NCOA1: variants seen among roughly 807,000 people sequenced by gnomAD.
NCOA1 encodes nuclear receptor coactivator 1.
In NCOA1, 35 loss-of-function variants were observed where a neutral mutation model predicts 150.9. That is an observed-to-expected ratio of 0.23 (90% CI 0.18 to 0.31). NCOA1 has a LOEUF of 0.31. Among genes scored for constraint, NCOA1 ranks in the 10% least tolerant of loss-of-function variants. The probability of loss-of-function intolerance (pLI) is 1.00; values close to 1 mark genes in which losing one functional copy is unlikely to be tolerated. For synonymous variants in NCOA1, 590 were observed against 630.0 expected (o/e 0.94, Z 0.95); for missense variants, 1,491 against 1,749.3 (o/e 0.85, Z 2.63).
chr2:24,595,781 G>A (rs1006366549), intron 3 of NCOA1, among the ~76,000 whole-genome samples: 1 of 152,046 alleles, frequency 6.6e-6, no homozygotes, highest in African/African-American at 2.4e-5. Context: ...CTCTCAACTA[G>A]GCAAGCAGGT....
intron 1 of NCOA1, among the ~76,000 whole-genome samples, chr2:24,512,326 G>A (rs778797050): frequency 2.0e-5 from 3 of 152,126 alleles, no homozygotes; most frequent in Non-Finnish European, 2.9e-5. Context: ...GAGCTCAATA[G>A]GTTTAATAAG....
chr2:24,613,622 G>A (rs1416058255), intron 3 of NCOA1, among the ~76,000 whole-genome samples: 5 of 152,308 alleles, frequency 3.3e-5, no homozygotes, highest in Admixed American at 2.6e-4. Context: ...ATCTGCCTGG[G>A]TGCTGCGTAC....
Position 24,706,712 on chromosome 2 carries a change from A to G in NCOA1, c.1242A>G (p.Val414=). 6.2e-7 allele frequency: 1 copy of G among 1,614,184 alleles called. No individual in the cohort carries two copies. Residue 414 remains valine, a synonymous_variant, in exon 13 of 23, where the codon GTA becomes GTG. Transcript: ENST00000348332. ...TGCCACCATCCAACAGCAACATGGT[A>G]TCCACCAGAATAAACCGCCAGCAGA... ...STLPPSNSNM[V]STRINRQQSS...
rs1045504676 is a variant in NCOA1, at chr2:24,768,281, G to C, written c.4216G>C (p.Asp1406His). 6.2e-7 allele frequency: 1 copy of C among 1,613,542 alleles called. No individual in the cohort carries two copies. The highest frequency in any genetic ancestry group is 1.3e-5 in the African/African-American group (1 of 74,912). ...GTGTACAGTGAATCTGGTAGGCGGG[G>C]ACCCTTACCTGAACCAGCCTGGTCC... ...VQCTVNLVGG[D>H]PYLNQPGPLG... is the part of the protein sequence containing the mutation. Residue 1406 changes from aspartate to histidine, a missense_variant, in exon 23 of 23, where the codon GAC becomes CAC. Coordinates refer to ENST00000348332, the MANE Select transcript of NCOA1 (RefSeq NM_003743.5).
At chr2:24,523,631 G>GAAAAAAAAAAAAAAAAAAAAAAA (rs1664524992) in intron 1 of NCOA1, among the ~76,000 whole-genome samples, 1 of 55,898 alleles carries the variant, frequency 1.8e-5, no homozygotes, top group Non-Finnish European at 3.5e-5. Context: ...AAAAAAAAAA[G>GAAAAAAAAAAAAAAAAAAAAAAA]AAACTGGGCT....
intron 6 of NCOA1, among the ~76,000 whole-genome samples, chr2:24,672,765 G>A (rs1198390417): frequency 6.6e-6 from 1 of 152,068 alleles, no homozygotes; most frequent in Non-Finnish European, 1.5e-5. Flanking sequence ...TTTGGCTTTT[G>A]GTTAACTAGT....
chr2:24,560,360 T>C (rs900593169), intron 1 of NCOA1, among the ~76,000 whole-genome samples: 1 of 152,172 alleles, frequency 6.6e-6, no homozygotes, highest in Non-Finnish European at 1.5e-5. Context: ...ACTTGGAATT[T>C]TATTAAATTT....
At chr2:24,653,264 T>A (rs1158176305) in intron 4 of NCOA1, among the ~76,000 whole-genome samples, 1 of 152,186 alleles carries the variant, frequency 6.6e-6, no homozygotes, top group Non-Finnish European at 1.5e-5. Flanking sequence ...GGCTTGGGTT[T>A]GTAGTACTGT....
chr2:24,537,108 C>T (rs1665181214), intron 1 of NCOA1, among the ~76,000 whole-genome samples: 1 of 151,904 alleles, frequency 6.6e-6, no homozygotes, highest in Non-Finnish European at 1.5e-5. Flanking sequence ...ACCACCTGTA[C>T]CCCAAAAGCT....
chr2:24,497,827 T>A (rs959546387), intron 1 of NCOA1, among the ~76,000 whole-genome samples: 1 of 152,258 alleles, frequency 6.6e-6, no homozygotes, highest in Non-Finnish European at 1.5e-5. Context: ...GGTATTTAAA[T>A]AGCTAAAGCT....
chr2:24,732,136 GA>G (rs929420229), intron 17 of NCOA1, among the ~76,000 whole-genome samples: 1 of 151,372 alleles, frequency 6.6e-6, no homozygotes, highest in Admixed American at 6.6e-5. Flanking sequence ...GCTTGATTCA[GA>G]AAAAAAAAGT....
chr2:24,501,300 A>T (rs573307766), intron 1 of NCOA1, among the ~76,000 whole-genome samples: 1 of 152,360 alleles, frequency 6.6e-6, no homozygotes. Flanking sequence ...AAATAGTTAT[A>T]TCTCATAAAA....
chr2:24,534,569 T>C (rs1040396475), intron 1 of NCOA1, among the ~76,000 whole-genome samples: 20 of 152,232 alleles, frequency 1.3e-4, no homozygotes, highest in Admixed American at 4.6e-4. Flanking sequence ...TCTTTCCTGC[T>C]TTCTCTTGTG....
chr2:24,752,740 A>G (rs976801191), intron 20 of NCOA1, among the ~76,000 whole-genome samples: 2 of 152,244 alleles, frequency 1.3e-5, no homozygotes, highest in Non-Finnish European at 2.9e-5. Context: ...AGTAGTGGGC[A>G]CACAAGTTTC....
intron 1 of NCOA1, among the ~76,000 whole-genome samples, chr2:24,513,586 A>G (rs1374269943): frequency 6.6e-6 from 1 of 151,342 alleles, no homozygotes; most frequent in Non-Finnish European, 1.5e-5. Flanking sequence ...TGTAAGGAAA[A>G]TGTGTGTGTG....
chr2:24,559,321 A>G (rs80011678), intron 1 of NCOA1, among the ~76,000 whole-genome samples: 1 of 152,128 alleles, frequency 6.6e-6, no homozygotes, highest in Non-Finnish European at 1.5e-5. Context: ...CACAAGCTTC[A>G]TATTTCTCCA....
chr2:24,746,701 T>A (rs1264536765), intron 19 of NCOA1, among the ~76,000 whole-genome samples: 1 of 152,238 alleles, frequency 6.6e-6, no homozygotes, highest in Non-Finnish European at 1.5e-5. Context: ...ACCCACAGGC[T>A]AGTTCTTTCT....
chr2:24,526,725 AATT>A (rs894507757), intron 1 of NCOA1, among the ~76,000 whole-genome samples: 1 of 151,758 alleles, frequency 6.6e-6, no homozygotes, highest in African/African-American at 2.4e-5. Context: ...AAAAAAAAAA[AATT>A]AATAAATTCT....
intron 14 of NCOA1, among the ~76,000 whole-genome samples, chr2:24,721,767 G>A (rs999933330): frequency 6.6e-6 from 1 of 152,166 alleles, no homozygotes; most frequent in African/African-American, 2.4e-5. Context: ...AATGACCACT[G>A]AGCCTGGAGT....
Sources: gnomAD v4.1 joint callset for allele counts (sites outside exome capture counted in the v4.1 genomes callset) on GRCh38, gnomAD v4.1.1 for gene constraint, MANE v1.5 for transcripts, NCBI Gene and HGNC (gene_info 2026-07-23, HGNC 2026-07-21) for gene names.